Variants in AGMO observed in about 807,000 individuals in gnomAD.
AGMO encodes glyceryl-ether monooxygenase.
In AGMO, 75 loss-of-function variants were observed where a neutral mutation model predicts 60.2. That is an observed-to-expected ratio of 1.25 (90% CI 1.03 to 1.51). AGMO has a LOEUF of 1.51. Ranked by LOEUF, AGMO falls within the 40% of genes most tolerant of loss-of-function variation. The pLI, the probability that AGMO is intolerant of heterozygous loss-of-function variation, is 0.00. For synonymous variants in AGMO, 261 were observed against 177.1 expected, an observed-to-expected ratio of 1.47 and a Z score of -3.76; for missense variants, 763 against 525.5, an observed-to-expected ratio of 1.45 and a Z score of -4.42.
chr7:15,211,867 AT>A (rs1781601613), intron 12 of AGMO, among the ~76,000 whole-genome samples: 1 of 152,024 alleles, frequency 6.6e-6, no homozygotes, highest in East Asian at 1.9e-4. Context: ...TTCTTGAAGT[AT>A]TTTTTGACAA....
chr7:15,387,190 T>C (rs1196804983), intron 9 of AGMO, among the ~76,000 whole-genome samples: 1 of 152,234 alleles, frequency 6.6e-6, no homozygotes, highest in East Asian at 1.9e-4. Context: ...TCTGTGCTCC[T>C]AGGTAAAAGG....
chr7:15,207,778 C>T (rs142801680), intron 12 of AGMO, among the ~76,000 whole-genome samples: 1 of 151,908 alleles, frequency 6.6e-6, no homozygotes. Flanking sequence ...GCTAAAAATA[C>T]AAAAAATTAG....
chr7:15,121,574 GATGATGAAC>G, the AGMO span, among the ~76,000 whole-genome samples: 3 of 152,148 alleles, frequency 2.0e-5, no homozygotes, highest in South Asian at 4.1e-4. Flanking sequence ...AATAACCAGT[GATGATGAAC>G]TTTTTTTCAT....
At chr7:15,436,736 A>C (rs769725203) in intron 3 of AGMO, among the ~76,000 whole-genome samples, 4 of 150,926 alleles carry the variant, frequency 2.7e-5, no homozygotes, top group Non-Finnish European at 5.9e-5. Context: ...TATTTGATAC[A>C]CTCTTTCCTC....
At chr7:15,497,359 T>A (rs1197369369) in intron 3 of AGMO, among the ~76,000 whole-genome samples, 1 of 152,146 alleles carries the variant, frequency 6.6e-6, no homozygotes, top group African/African-American at 2.4e-5. Context: ...CCTCATTACT[T>A]CTTTCTTCCT....
intron 3 of AGMO, among the ~76,000 whole-genome samples, chr7:15,451,183 G>A (rs946133591): frequency 1.3e-5 from 2 of 152,112 alleles, no homozygotes; most frequent in Non-Finnish European, 2.9e-5. Context: ...TTTATAGAGA[G>A]AGGTATATAG....
intron 3 of AGMO, among the ~76,000 whole-genome samples, chr7:15,533,248 T>C (rs887526575): frequency 1.3e-5 from 2 of 152,086 alleles, no homozygotes; most frequent in African/African-American, 4.8e-5. Flanking sequence ...TTTATTCTTA[T>C]TTATCTCCAT....
At chr7:15,269,656 G>T (rs1783536860) in intron 12 of AGMO, among the ~76,000 whole-genome samples, 1 of 152,060 alleles carries the variant, frequency 6.6e-6, no homozygotes, top group South Asian at 2.1e-4. Context: ...GTGCAAGTTT[G>T]TTGCACATTG....
chr7:15,198,148 C>T (rs934364890), downstream of AGMO, among the ~76,000 whole-genome samples: 2 of 149,022 alleles, frequency 1.3e-5, no homozygotes, highest in South Asian at 2.1e-4. Flanking sequence ...TTGCATCTCT[C>T]CGATAGAAGT....
chr7:15,538,809 T>C (rs1018483485), intron 3 of AGMO, among the ~76,000 whole-genome samples: 8 of 152,214 alleles, frequency 5.3e-5, no homozygotes, highest in Non-Finnish European at 1.2e-4. Context: ...ACTTTAAATT[T>C]AAGAGTCATA....
At chr7:15,169,366 C>T in the AGMO span, among the ~76,000 whole-genome samples, 26 of 152,300 alleles carry the variant, frequency 1.7e-4, no homozygotes, top group African/African-American at 5.1e-4. Flanking sequence ...AGTTCATATT[C>T]TCAATTCGAC....
intron 12 of AGMO, among the ~76,000 whole-genome samples, chr7:15,336,455 C>T (rs1420480851): frequency 6.6e-6 from 1 of 151,858 alleles, no homozygotes; most frequent in Non-Finnish European, 1.5e-5. Flanking sequence ...TAACTTTCAG[C>T]ATACCCACTT....
At chr7:15,201,481 TA>T in intron 12 of AGMO, 122 bp from the exon 13 acceptor site, 2 of 635,532 alleles carry the variant, frequency 3.1e-6, no homozygotes, top group South Asian at 2.4e-5. Context: ...GTCAAGTTAT[TA>T]AATTAAATCT....
intron 1 of AGMO, among the ~76,000 whole-genome samples, chr7:15,561,311 A>G (rs1785297611): frequency 6.6e-6 from 1 of 152,132 alleles, no homozygotes; most frequent in Admixed American, 6.6e-5. Context: ...CTGCTGAACT[A>G]CTCTACCAAA....
At position 15,243,870 on chromosome 7, in the gene AGMO, T is replaced by C. The variant is rs187124500; in HGVS notation, c.1264-42511A>G. Among the ~76,000 whole-genome samples, 66 of 152,310 alleles carry C rather than the reference T, an allele frequency of 4.3e-4. No homozygotes were observed. In the East Asian group the frequency reaches 0.011, roughly 26 times the overall value. Reference sequence around the variant, plus strand: ...CTCCATTTATACTCTAGGCAACTACTTGATACTTTCTAATCATTTTCTAAA... The same window carrying C: ...CTCCATTTATACTCTAGGCAACTACCTGATACTTTCTAATCATTTTCTAAA... On this transcript the variant is annotated intron_variant, in intron 12 of 12. Transcript: ENST00000342526.
At chr7:15,195,039 T>C in the AGMO span, among the ~76,000 whole-genome samples, 2 of 152,272 alleles carry the variant, frequency 1.3e-5, no homozygotes, top group East Asian at 1.9e-4. Flanking sequence ...CCATTATGTA[T>C]GGACATCTTT....
chr7:15,518,618 T>C (rs545373361), intron 3 of AGMO, among the ~76,000 whole-genome samples: 1 of 152,076 alleles, frequency 6.6e-6, no homozygotes, highest in East Asian at 1.9e-4. Context: ...CAAGAAGCAG[T>C]AGCATTGACA....
At chr7:15,185,523 C>T in the AGMO span, among the ~76,000 whole-genome samples, 1 of 152,148 alleles carries the variant, frequency 6.6e-6, no homozygotes, top group Non-Finnish European at 1.5e-5. Flanking sequence ...TGATCTATGG[C>T]CCTAGGATAA....
At chr7:15,253,038 T>C (rs765366017) in intron 12 of AGMO, among the ~76,000 whole-genome samples, 6 of 152,190 alleles carry the variant, frequency 3.9e-5, no homozygotes, top group Non-Finnish European at 7.3e-5. Context: ...AGTAGTGAAA[T>C]TAAATTTGAT....
Sources: allele counts gnomAD v4.1 joint callset (sites outside exome capture counted in the v4.1 genomes callset), GRCh38; gene constraint gnomAD v4.1.1; transcripts MANE v1.5; gene names NCBI Gene and HGNC (gene_info 2026-07-23, HGNC 2026-07-21).